The following CPQ variants were observed in gnomAD, a reference collection of about 807,000 sequenced individuals.
CPQ encodes the protein carboxypeptidase Q.
CPQ carries 37 observed loss-of-function variants against 45.7 expected under a neutral mutation model. That is an observed-to-expected ratio of 0.81 (90% CI 0.62 to 1.07). The LOEUF (loss-of-function observed/expected upper bound fraction) is 1.07, where lower values mean the gene tolerates loss of function less well. CPQ is among the 50% of genes least tolerant of loss of function. CPQ has a pLI of 0.00. For synonymous variants in CPQ, 186 were observed against 205.8 expected (o/e 0.90, Z 0.82); for missense variants, 537 against 572.9 (o/e 0.94, Z 0.64).
At chr8:97,051,594 A>G (rs1236807389) in intron 6 of CPQ, among the ~76,000 whole-genome samples, 1 of 152,224 alleles carries the variant, frequency 6.6e-6, no homozygotes, top group Non-Finnish European at 1.5e-5. Context: ...GGTTAGTAAA[A>G]ATAAAGATGT....
intron 1 of CPQ, among the ~76,000 whole-genome samples, chr8:96,709,669 C>A (rs1473373561): frequency 6.6e-6 from 1 of 152,088 alleles, no homozygotes; most frequent in Non-Finnish European, 1.5e-5. Context: ...TCTGAGTACA[C>A]ATAAATGTGG....
chr8:96,852,410 A>T (rs1288905762), intron 3 of CPQ, among the ~76,000 whole-genome samples: 1 of 152,140 alleles, frequency 6.6e-6, no homozygotes, highest in Non-Finnish European at 1.5e-5. Flanking sequence ...GTTCAATCGT[A>T]TTTCTCTCAG....
At chr8:96,731,634 T>G (rs1809914218) in intron 1 of CPQ, among the ~76,000 whole-genome samples, 1 of 152,132 alleles carries the variant, frequency 6.6e-6, no homozygotes, top group Non-Finnish European at 1.5e-5. Context: ...GATAAACTGT[T>G]AATCAATGGG....
intron 5 of CPQ, among the ~76,000 whole-genome samples, chr8:96,999,500 C>T (rs1271708552): frequency 2.0e-5 from 3 of 151,862 alleles, no homozygotes; most frequent in Admixed American, 6.6e-5. Context: ...ATTTGTTTTT[C>T]TGTTTCTGTG....
intron 1 of CPQ, among the ~76,000 whole-genome samples, chr8:96,707,018 T>A (rs1487184044): frequency 6.6e-6 from 1 of 152,146 alleles, no homozygotes; most frequent in Admixed American, 6.6e-5. Context: ...CAGAATTTAT[T>A]TGATTTAGTT....
chr8:96,882,891 C>T (rs935023842), intron 4 of CPQ, among the ~76,000 whole-genome samples: 12 of 152,068 alleles, frequency 7.9e-5, no homozygotes, highest in African/African-American at 2.9e-4. Context: ...ATAATATTTC[C>T]ACCACCCAAA....
At chr8:96,705,454 TA>T (rs1352647238) in intron 1 of CPQ, among the ~76,000 whole-genome samples, 1 of 152,228 alleles carries the variant, frequency 6.6e-6, no homozygotes, top group Admixed American at 6.5e-5. Context: ...ATAAACATTT[TA>T]TTTTAAGCCT....
At chr8:96,653,036 A>G (rs531885794) in intron 1 of CPQ, among the ~76,000 whole-genome samples, 1 of 152,290 alleles carries the variant, frequency 6.6e-6, no homozygotes, top group African/African-American at 2.4e-5. Context: ...GGCTCAAGCC[A>G]TCCTCCCTCC....
chr8:96,875,526 G>A (rs1047805432), intron 3 of CPQ, among the ~76,000 whole-genome samples: 5 of 151,834 alleles, frequency 3.3e-5, no homozygotes, highest in African/African-American at 1.2e-4. Context: ...TATCTGGTTT[G>A]CCTAGAACCA....
At position 96,766,154 on chromosome 8, in the gene CPQ, GAGGA is replaced by G. The variant is rs531338556; in HGVS notation, c.-34-18709_-34-18706del. ...GAAATAACATTTACTGGTTGCTTTT[GAGGA>G]TTGAATCAGATGAGATATAGAAAAG... On this transcript the variant is annotated intron_variant, in intron 1 of 7. Transcript: ENST00000220763. 1.6e-4 allele frequency among the ~76,000 whole-genome samples: 24 copies of G among 152,284 alleles called. No individual in the cohort carries two copies. In the East Asian group the frequency reaches 4.6e-3, roughly 29 times the overall value.
chr8:96,925,840 C>A (rs1166623876), intron 4 of CPQ, among the ~76,000 whole-genome samples: 1 of 151,392 alleles, frequency 6.6e-6, no homozygotes, highest in East Asian at 2.0e-4. Flanking sequence ...CAGGTGTGCA[C>A]CACAACGCCC....
chr8:96,670,122 A>G (rs1034686078), intron 1 of CPQ, among the ~76,000 whole-genome samples: 2 of 152,188 alleles, frequency 1.3e-5, no homozygotes, highest in African/African-American at 4.8e-5. Flanking sequence ...CTTAGGAACA[A>G]TAGGGCTTTA....
At chr8:97,045,321 A>C (rs1225451244) in intron 6 of CPQ, among the ~76,000 whole-genome samples, 1 of 152,124 alleles carries the variant, frequency 6.6e-6, no homozygotes, top group Non-Finnish European at 1.5e-5. Flanking sequence ...CTGGTGCGCC[A>C]TTTTTTAAGC....
chr8:97,042,191 A>G (rs866552036), intron 6 of CPQ, among the ~76,000 whole-genome samples: 69 of 152,308 alleles, frequency 4.5e-4, no homozygotes, highest in African/African-American at 1.6e-3. Context: ...CAGAGATTCA[A>G]CTTCTTCCTG....
intron 2 of CPQ, 49 bp from the exon 3 acceptor site, chr8:96,834,924 C>A (rs1349148498): frequency 1.3e-6 from 2 of 1,546,890 alleles, no homozygotes; most frequent in Admixed American, 1.7e-5. Flanking sequence ...CCAATTCAAC[C>A]CAGCTGATGG....
intron 4 of CPQ, among the ~76,000 whole-genome samples, chr8:96,906,280 A>G (rs1393663141): frequency 2.0e-5 from 3 of 152,212 alleles, no homozygotes; most frequent in Non-Finnish European, 4.4e-5. Flanking sequence ...GGATAAGGAT[A>G]CTTACCCTTT....
chr8:96,950,895 T>C (rs539211534), intron 4 of CPQ, among the ~76,000 whole-genome samples: 1 of 152,202 alleles, frequency 6.6e-6, no homozygotes, highest in East Asian at 1.9e-4. Context: ...AGGTTCCTAG[T>C]AAGTGGCAGA....
intron 1 of CPQ, among the ~76,000 whole-genome samples, chr8:96,738,444 A>G (rs573680115): frequency 6.7e-6 from 1 of 150,088 alleles, no homozygotes; most frequent in East Asian, 2.0e-4. Context: ...TTTATTTTTT[A>G]TTTTTTTATT....
At chr8:96,832,970 G>C (rs767208911) in intron 2 of CPQ, among the ~76,000 whole-genome samples, 25 of 152,082 alleles carry the variant, frequency 1.6e-4, no homozygotes, top group African/African-American at 6.0e-4. Flanking sequence ...GGGCCAGGGA[G>C]TAGAGACCTG....
Sources: allele counts gnomAD v4.1 joint callset (sites outside exome capture counted in the v4.1 genomes callset), GRCh38; gene constraint gnomAD v4.1.1; transcripts MANE v1.5; gene names NCBI Gene and HGNC (gene_info 2026-07-23, HGNC 2026-07-21).